The following PRKG1 variants were observed in gnomAD, a reference collection of about 807,000 sequenced individuals.
PRKG1 encodes the protein protein kinase cGMP-dependent 1.
A neutral mutation model predicts 88.1 loss-of-function variants in PRKG1; 35 were observed. That is an observed-to-expected ratio of 0.40 (90% CI 0.30 to 0.53). The LOEUF (loss-of-function observed/expected upper bound fraction) is 0.53, where lower values mean the gene tolerates loss of function less well. Among genes scored for constraint, PRKG1 ranks in the 20% least tolerant of loss-of-function variants. The pLI is 0.59. For missense variants in PRKG1, 540 were observed against 839.8 expected, an observed-to-expected ratio of 0.64 and a Z score of 4.41; for synonymous variants, 303 against 292.5, an observed-to-expected ratio of 1.04 and a Z score of -0.37.
intron 1 of PRKG1, among the ~76,000 whole-genome samples, chr10:51,139,444 T>G (rs1026115521): frequency 3.3e-5 from 5 of 152,158 alleles, no homozygotes; most frequent in African/African-American, 1.2e-4. Flanking sequence ...ACCACCCTGA[T>G]GTCCACTGCC....
At chr10:51,397,994 G>T (rs1181395133) in intron 2 of PRKG1, among the ~76,000 whole-genome samples, 1 of 152,168 alleles carries the variant, frequency 6.6e-6, no homozygotes, top group Non-Finnish European at 1.5e-5. Context: ...GATAGCCCTT[G>T]AATGTGTAAT....
intron 3 of PRKG1, among the ~76,000 whole-genome samples, chr10:51,666,509 A>G (rs1840426402): frequency 6.6e-6 from 1 of 152,150 alleles, no homozygotes; most frequent in Non-Finnish European, 1.5e-5. Flanking sequence ...TGCTTAATTT[A>G]CTCCATAGCA....
chr10:52,233,735 G>A (rs1027049221), intron 9 of PRKG1, among the ~76,000 whole-genome samples: 3 of 148,582 alleles, frequency 2.0e-5, no homozygotes, highest in Non-Finnish European at 4.5e-5. Flanking sequence ...CGAGGCTGGG[G>A]GAGGGGCGCC....
Position 52,105,331 on chromosome 10 carries a change from A to G in PRKG1, c.936-28509A>G, listed in dbSNP as rs1373372972. ...TAGGTCGCTGGATTACTTGCGTTTT[A>G]CAGTTGGTTCTTTGTAAACACATCT... On this transcript the variant is annotated intron_variant, in intron 7 of 17. Transcript: ENST00000373980. 3.3e-5 allele frequency among the ~76,000 whole-genome samples: 5 copies of G among 152,168 alleles called. No individual in the cohort carries two copies. In the East Asian group the frequency reaches 7.7e-4, roughly 23 times the overall value.
intron 3 of PRKG1, among the ~76,000 whole-genome samples, chr10:51,666,296 G>A (rs1266607625): frequency 6.6e-6 from 1 of 152,152 alleles, no homozygotes; most frequent in Non-Finnish European, 1.5e-5. Context: ...CCAACCACAA[G>A]CCCGACACTA....
chr10:51,590,065 T>C (rs1425295660), intron 3 of PRKG1, among the ~76,000 whole-genome samples: 2 of 152,184 alleles, frequency 1.3e-5, no homozygotes, highest in Non-Finnish European at 2.9e-5. Context: ...AGCTTGTGTT[T>C]GTGTGTTTAA....
intron 1 of PRKG1, among the ~76,000 whole-genome samples, chr10:51,011,088 G>A (rs529834730): frequency 3.8e-4 from 58 of 152,254 alleles, no homozygotes; most frequent in Non-Finnish European, 6.0e-4. Context: ...AATTTCCTAA[G>A]TTACCACAAG....
intron 2 of PRKG1, among the ~76,000 whole-genome samples, chr10:51,289,060 T>G (rs186197649): frequency 2.3e-3 from 354 of 152,266 alleles, no homozygotes; most frequent in African/African-American, 7.7e-3. Flanking sequence ...ATCATAAATG[T>G]GAACAAGAAA....
intron 2 of PRKG1, among the ~76,000 whole-genome samples, chr10:51,233,864 G>A (rs1396315446): frequency 6.6e-6 from 1 of 152,148 alleles, no homozygotes; most frequent in African/African-American, 2.4e-5. Context: ...TCTGTGGGTA[G>A]TAGGTATGAA....
intron 1 of PRKG1, among the ~76,000 whole-genome samples, chr10:51,047,617 C>CAA (rs142049774): frequency 5.6e-5 from 7 of 125,882 alleles, no homozygotes; most frequent in African/African-American, 1.2e-4. Flanking sequence ...TTATTATTTC[C>CAA]AAAAAAAAAA....
rs577441336 is a variant in PRKG1, at chr10:51,270,485, G to A, written c.478+117155G>A. Among the ~76,000 whole-genome samples the A allele has an allele frequency of 2.6e-5, 4 of 152,034 alleles. No individual in the cohort carries two copies. The East Asian group carries it at 5.8e-4, about 22-fold the overall frequency. ...GTTATTATGCTTATAAAATTTCCAA[G>A]CCATTCACTAAAATCAAGTTCATAA... On this transcript the variant is annotated intron_variant, in intron 2 of 17. Transcript: ENST00000373980.
At chr10:51,379,629 G>A (rs1223857915) in intron 2 of PRKG1, among the ~76,000 whole-genome samples, 1 of 152,194 alleles carries the variant, frequency 6.6e-6, no homozygotes, top group East Asian at 1.9e-4. Flanking sequence ...TGAAGAGCAA[G>A]TTTTGAAACT....
chr10:51,137,656 T>C (rs1015899941), intron 1 of PRKG1, among the ~76,000 whole-genome samples: 1 of 152,194 alleles, frequency 6.6e-6, no homozygotes, highest in Admixed American at 6.5e-5. Flanking sequence ...ACAAGAAATT[T>C]TGAGTTGACC....
At chr10:51,665,682 T>C in intron 3 of PRKG1, among the ~76,000 whole-genome samples, 1 of 152,130 alleles carries the variant, frequency 6.6e-6, no homozygotes, top group South Asian at 2.1e-4. Context: ...ATTTTTATTT[T>C]TTTTTTGTCT....
chr10:51,917,871 A>G (rs1842377643), intron 5 of PRKG1, among the ~76,000 whole-genome samples: 2 of 152,218 alleles, frequency 1.3e-5, no homozygotes, highest in Admixed American at 1.3e-4. Flanking sequence ...ATCATTACAT[A>G]GAAAAAAACA....
chr10:51,985,608 T>C (rs1285414233), intron 5 of PRKG1, among the ~76,000 whole-genome samples: 10 of 152,198 alleles, frequency 6.6e-5, no homozygotes, highest in African/African-American at 2.2e-4. Flanking sequence ...TTTGTGAGCT[T>C]GGAAAAGTTA....
chr10:51,163,433 TC>T (rs1188979124), intron 2 of PRKG1, among the ~76,000 whole-genome samples: 3 of 152,104 alleles, frequency 2.0e-5, no homozygotes, highest in African/African-American at 7.2e-5. Context: ...TAGGAACAGC[TC>T]CGGTCTACAG....
chr10:51,149,886 C>A (rs1025199629), intron 1 of PRKG1, among the ~76,000 whole-genome samples: 13 of 151,938 alleles, frequency 8.6e-5, no homozygotes, highest in Admixed American at 1.3e-4. Context: ...CCACCCAAGC[C>A]AGACAGCCAG....
chr10:51,697,049 T>G (rs571987008), intron 3 of PRKG1: 1 of 152,348 alleles, frequency 6.6e-6, no homozygotes, highest in South Asian at 2.1e-4. Context: ...CTCTGAAGGA[T>G]GGGATAAATG....
Sources: allele counts gnomAD v4.1 joint callset (sites outside exome capture counted in the v4.1 genomes callset), GRCh38; gene constraint gnomAD v4.1.1; transcripts MANE v1.5; gene names NCBI Gene and HGNC (gene_info 2026-07-23, HGNC 2026-07-21).